RBFOX3: variants seen among roughly 807,000 people sequenced by gnomAD.
RBFOX3 encodes RNA binding protein fox-1 homolog 3.
In RBFOX3, 17 loss-of-function variants were observed where a neutral mutation model predicts 48.7. The ratio of observed to expected loss-of-function variants is 0.35; its 90% CI spans 0.24 to 0.52. The LOEUF is 0.52. Ranked by LOEUF, RBFOX3 falls within the 20% of genes least tolerant of loss-of-function variation. The pLI is 0.94. For synonymous variants in RBFOX3, 212 were observed against 209.5 expected, an observed-to-expected ratio of 1.01 and a Z score of -0.10; for missense variants, 382 against 497.5, an observed-to-expected ratio of 0.77 and a Z score of 2.21.
chr17:79,156,293 G>A (rs1289255008), intron 4 of RBFOX3, among the ~76,000 whole-genome samples: 2 of 152,154 alleles, frequency 1.3e-5, no homozygotes, highest in African/African-American at 4.8e-5. Flanking sequence ...GGCCACCCCA[G>A]TCCTCCATTC....
intron 1 of RBFOX3, among the ~76,000 whole-genome samples, chr17:79,519,469 G>A (rs1235704868): frequency 2.6e-5 from 4 of 152,230 alleles, no homozygotes; most frequent in African/African-American, 4.8e-5. Context: ...AGCCCCTCAA[G>A]AGGGAGGAGG....
In RBFOX3 at chr17:79,090,592, A is replaced by C. The variant is rs911042965; in HGVS notation, c.*291T>G. ...CACAAGGGAGGCCCCTTCCCCTCCA[A>C]CTCCCCCACTGCCTGAGACGGAGGG... On this transcript the variant is annotated 3_prime_UTR_variant, in exon 15 of 15. Transcript: ENST00000693108. 2 of 423,682 alleles carry C rather than the reference A, an allele frequency of 4.7e-6. No individual in the cohort carries two copies. Among genetic ancestry groups the C allele is most frequent in the East Asian group, 3.7e-5 (1 of 27,038 alleles). The allele number at this position is 423,682 out of a possible 1,614,324, so 26.2% of individuals were successfully genotyped here.
intron 4 of RBFOX3, among the ~76,000 whole-genome samples, chr17:79,164,636 G>T (rs1159983250): frequency 6.6e-6 from 1 of 152,230 alleles, no homozygotes. Flanking sequence ...CAAAACAAAA[G>T]TGCACGCATT....
At chr17:79,467,667 G>A (rs983185620) in intron 2 of RBFOX3, among the ~76,000 whole-genome samples, 172 of 152,242 alleles carry the variant, frequency 1.1e-3, no homozygotes, top group African/African-American at 3.5e-3. Flanking sequence ...TAGGGCCTCC[G>A]GCTTCCATCC....
chr17:79,148,225 G>T (rs1168915789), intron 4 of RBFOX3, among the ~76,000 whole-genome samples: 2 of 152,226 alleles, frequency 1.3e-5, no homozygotes, highest in African/African-American at 4.8e-5. Flanking sequence ...CTGGTTGGAG[G>T]ACTGGGGTCC....
At chr17:79,170,682 G>T (rs369679617) in intron 4 of RBFOX3, among the ~76,000 whole-genome samples, 2 of 151,806 alleles carry the variant, frequency 1.3e-5, no homozygotes, top group African/African-American at 4.8e-5. Flanking sequence ...CCCCTGTTCC[G>T]GCCGCCCCTG....
intron 4 of RBFOX3, among the ~76,000 whole-genome samples, chr17:79,151,300 G>T (rs2044366994): frequency 6.7e-6 from 1 of 149,984 alleles, no homozygotes; most frequent in Admixed American, 6.6e-5. Context: ...AGGGACCCTG[G>T]GTCAGCTGCC....
intron 2 of RBFOX3, among the ~76,000 whole-genome samples, chr17:79,469,685 G>A (rs2076817425): frequency 6.6e-6 from 1 of 152,140 alleles, no homozygotes; most frequent in South Asian, 2.1e-4. Context: ...AACAGGTTTG[G>A]CCTCCCTCAT....
chr17:79,477,616 G>A lies in RBFOX3; in HGVS notation c.-175+4838C>T, dbSNP rs202169488. ...AGGGTGAAACAGAAGCAATGGAGTG[G>A]GGCCCCAGGTCCTTGTCTCATGTCC... On this transcript the variant is annotated intron_variant, in intron 2 of 14. Transcript: ENST00000693108. This position sits in a 1 kb window ranked among gnomAD's most constrained non-coding sequence, Gnocchi z 4.8. 5.9e-5 allele frequency among the ~76,000 whole-genome samples: 9 copies of A among 152,198 alleles called. No homozygotes were observed. The highest frequency in any genetic ancestry group is 2.1e-4 in the South Asian group (1 of 4,820).
chr17:79,315,857 C>T (rs896065254), intron 2 of RBFOX3, among the ~76,000 whole-genome samples: 3 of 152,020 alleles, frequency 2.0e-5, no homozygotes, highest in Admixed American at 6.5e-5. Context: ...TAAGGCCACG[C>T]GGAAGGGGCT....
Position 79,115,474 on chromosome 17 carries a change from G to A in RBFOX3, c.222+20C>T. The A allele has an allele frequency of 7.7e-7, 1 of 1,304,576 alleles. No homozygotes were observed. The highest frequency in any genetic ancestry group is 9.8e-7 in the Non-Finnish European group (1 of 1,024,054). 80.8% of individuals were successfully genotyped at this position (1,304,576 alleles called of 1,614,324 possible). ...TCCCTGAAGCTCCAGGGCTGGGCCT[G>A]GGGTCGTGGGGGCCCTTACCGGCAC... On this transcript the variant is annotated intron_variant, in intron 5 of 14. Transcript: ENST00000693108.
chr17:79,476,622 AG>A (rs1243653128), intron 2 of RBFOX3, among the ~76,000 whole-genome samples: 1 of 152,222 alleles, frequency 6.6e-6, no homozygotes, highest in Non-Finnish European at 1.5e-5. Context: ...AGAGGGGATA[AG>A]GCATCTCTGA....
intron 2 of RBFOX3, among the ~76,000 whole-genome samples, chr17:79,412,320 ATG>A (rs978599561): frequency 9.9e-5 from 15 of 150,882 alleles, no homozygotes; most frequent in Non-Finnish European, 2.1e-4. Context: ...GTGTATATAA[ATG>A]TGTGTGGTGT....
intron 4 of RBFOX3, among the ~76,000 whole-genome samples, chr17:79,118,573 G>C (rs1253204552): frequency 6.6e-6 from 1 of 152,108 alleles, no homozygotes; most frequent in Non-Finnish European, 1.5e-5. Context: ...GGGCCCTGCA[G>C]ACACAGGGGA....
Position 79,267,657 on chromosome 17 carries a change from C to T in RBFOX3, c.-73-31852G>A, listed in dbSNP as rs536049996. The stretch of plus-strand genomic sequence containing the variant: ...CCACCTGCCTCAGTCTCCCAAAGTG[C>T]TGGGATTACAGGTGTGAGCTACCAG... On this transcript the variant is annotated intron_variant, in intron 3 of 14. Coordinates refer to ENST00000693108, the MANE Select transcript of RBFOX3 (RefSeq NM_001350451.2). 1.1e-4 allele frequency among the ~76,000 whole-genome samples: 16 copies of T among 152,260 alleles called. No individual in the cohort carries two copies. The South Asian group carries it at 3.3e-3, about 32-fold the overall frequency.
intron 3 of RBFOX3, among the ~76,000 whole-genome samples, chr17:79,259,796 G>A (rs1047223220): frequency 2.6e-5 from 4 of 152,170 alleles, no homozygotes; most frequent in African/African-American, 9.7e-5. Flanking sequence ...GTAGCCGCAG[G>A]GGCTCTGCAG....
At chr17:79,308,082 G>A (rs1261546335) in intron 2 of RBFOX3, among the ~76,000 whole-genome samples, 1 of 152,178 alleles carries the variant, frequency 6.6e-6, no homozygotes, top group Non-Finnish European at 1.5e-5. Flanking sequence ...TGAGACTCAC[G>A]GTATCAAAAC....
At chr17:79,106,300 G>C (rs2077351596) in intron 6 of RBFOX3, among the ~76,000 whole-genome samples, 1 of 152,172 alleles carries the variant, frequency 6.6e-6, no homozygotes, top group Non-Finnish European at 1.5e-5. Context: ...AACCAAACTG[G>C]CTGCGAGGTC....
chr17:79,281,879 G>A (rs2070621787), intron 3 of RBFOX3, among the ~76,000 whole-genome samples: 1 of 152,308 alleles, frequency 6.6e-6, no homozygotes, highest in African/African-American at 2.4e-5. Flanking sequence ...TCCCAGTGAA[G>A]GAAGCCATCA....
Sources: gnomAD v4.1 joint callset for allele counts (sites outside exome capture counted in the v4.1 genomes callset) on GRCh38, gnomAD v4.1.1 for gene constraint, Gnocchi (gnomAD v3.1) non-coding constraint, MANE v1.5 for transcripts, NCBI Gene and HGNC (gene_info 2026-07-23, HGNC 2026-07-21) for gene names.